The following RIC1 variants were observed in gnomAD, a reference collection of about 807,000 sequenced individuals.
The protein encoded by RIC1 is guanine nucleotide exchange factor subunit RIC1.
RIC1 carries 88 observed loss-of-function variants against 169.0 expected under a neutral mutation model. The observed-to-expected ratio is 0.52, with a 90% CI of 0.44 to 0.62. RIC1 has a LOEUF of 0.62. Among genes scored for constraint, RIC1 ranks in the 20% least tolerant of loss-of-function variants. The pLI is 0.00. For missense variants in RIC1, 1,877 were observed against 1,725.5 expected (o/e 1.09, Z -1.56); for synonymous variants, 790 against 601.5 (o/e 1.31, Z -4.59).
chr9:5,725,444 CTCTT>C (rs1281524189), intron 6 of RIC1, among the ~76,000 whole-genome samples: 2 of 152,122 alleles, frequency 1.3e-5, no homozygotes, highest in Admixed American at 6.5e-5. Flanking sequence ...TGATTCTTCT[CTCTT>C]TACTTCTTCA....
intron 1 of RIC1, among the ~76,000 whole-genome samples, chr9:5,639,149 T>C (rs1000492439): frequency 4.6e-5 from 7 of 152,162 alleles, no homozygotes; most frequent in African/African-American, 1.4e-4. Flanking sequence ...TCAAGCAATC[T>C]GCCCACCTCG....
intron 6 of RIC1, among the ~76,000 whole-genome samples, chr9:5,731,149 T>G (rs898151647): frequency 6.6e-6 from 1 of 152,176 alleles, no homozygotes; most frequent in Non-Finnish European, 1.5e-5. Flanking sequence ...TTTTAACTTG[T>G]CTGTCTCTTG....
intron 2 of RIC1, among the ~76,000 whole-genome samples, chr9:5,665,738 G>A (rs112233030): frequency 1.3e-5 from 2 of 152,016 alleles, no homozygotes; most frequent in Non-Finnish European, 2.9e-5. Context: ...TAGTTGCCTC[G>A]ATTTTTCCTG....
Position 5,677,620 on chromosome 9 carries a change from C to T in RIC1, c.253-12339C>T, listed in dbSNP as rs899079021. ...TTTGAAATCACACAGTGTTAGGTCT[C>T]CAACTTTGTTCATTTTCAAAGTTGC... On this transcript the variant is annotated intron_variant, in intron 2 of 25. Coordinates refer to ENST00000414202, the MANE Select transcript of RIC1 (RefSeq NM_020829.4). Among the ~76,000 whole-genome samples, 4 of 151,518 alleles carry T rather than the reference C, an allele frequency of 2.6e-5. No individual in the cohort carries two copies. In the South Asian group the frequency reaches 8.3e-4, roughly 31 times the overall value.
rs1055671423 is a variant in RIC1, at chr9:5,629,139, G to C, written c.-171G>C. On this transcript the variant is annotated 5_prime_UTR_variant, in exon 1 of 26. Coordinates refer to ENST00000414202, the MANE Select transcript of RIC1 (RefSeq NM_020829.4). ...GCCCCGTCAGCTTGGGGGTGCCTTC[G>C]TCGCGCAGCCTTGCGTCGGCCCGGC... The C allele has an allele frequency of 3.9e-6, 2 of 509,556 alleles. No individual in the cohort carries two copies. Among genetic ancestry groups the C allele is most frequent in the Non-Finnish European group, 6.0e-6 (2 of 335,696 alleles). 31.6% of individuals were successfully genotyped at this position (509,556 alleles called of 1,614,324 possible).
At chr9:5,676,360 G>A (rs1820440923) in intron 2 of RIC1, among the ~76,000 whole-genome samples, 1 of 152,190 alleles carries the variant, frequency 6.6e-6, no homozygotes, top group Non-Finnish European at 1.5e-5. Context: ...TGTACTTGAA[G>A]ATTAAATTGT....
chr9:5,686,480 A>C (rs1310136679), intron 2 of RIC1, among the ~76,000 whole-genome samples: 2 of 152,130 alleles, frequency 1.3e-5, no homozygotes, highest in Non-Finnish European at 2.9e-5. Context: ...CTTTGTAGAG[A>C]CATGGATGAA....
At chr9:5,669,694 C>G (rs1819977823) in intron 2 of RIC1, among the ~76,000 whole-genome samples, 1 of 152,172 alleles carries the variant, frequency 6.6e-6, no homozygotes, top group African/African-American at 2.4e-5. Flanking sequence ...ATAGGGAACA[C>G]TGCAGTGGGT....
intron 1 of RIC1, among the ~76,000 whole-genome samples, chr9:5,649,104 C>A (rs1222607587): frequency 6.6e-6 from 1 of 151,916 alleles, no homozygotes; most frequent in African/African-American, 2.4e-5. Flanking sequence ...CACTTCACTC[C>A]AGCCTGGCAA....
At chr9:5,765,609 A>G (rs187959860) in intron 20 of RIC1, 37 bp downstream of exon 20, 1 of 1,613,924 alleles carries the variant, frequency 6.2e-7, no homozygotes, top group African/African-American at 1.3e-5. Flanking sequence ...TCTAGGCCAT[A>G]CACCCACGTA....
At chr9:5,757,265 C>G in intron 16 of RIC1, 48 bp from the exon 17 acceptor site, 1 of 1,602,574 alleles carries the variant, frequency 6.2e-7, no homozygotes, top group Non-Finnish European at 8.5e-7. Context: ...GAAAGAAAAT[C>G]TTATTAGCAT....
chr9:5,638,146 AT>A (rs1818067130), intron 1 of RIC1, among the ~76,000 whole-genome samples: 1 of 152,194 alleles, frequency 6.6e-6, no homozygotes, highest in African/African-American at 2.4e-5. Flanking sequence ...GATGTATCAC[AT>A]TGATTGATTT....
chr9:5,778,185 T>C (rs1165437470), downstream of RIC1, among the ~76,000 whole-genome samples: 5 of 152,226 alleles, frequency 3.3e-5, no homozygotes, highest in African/African-American at 1.2e-4. Flanking sequence ...TTCTAAGTAT[T>C]GCTACTGTAA....
chr9:5,727,923 C>T (rs1004770271), intron 6 of RIC1, among the ~76,000 whole-genome samples: 3 of 152,134 alleles, frequency 2.0e-5, no homozygotes, highest in Non-Finnish European at 2.9e-5. Flanking sequence ...TAGAGGGGCA[C>T]CCAGCTGGAT....
intron 2 of RIC1, among the ~76,000 whole-genome samples, chr9:5,686,378 A>G (rs1368372632): frequency 6.6e-6 from 1 of 152,156 alleles, no homozygotes; most frequent in Non-Finnish European, 1.5e-5. Context: ...AAACCAACCC[A>G]AATGTCCAAC....
chr9:5,658,063 C>T (rs1443566152), intron 2 of RIC1, among the ~76,000 whole-genome samples: 1 of 152,090 alleles, frequency 6.6e-6, no homozygotes, highest in African/African-American at 2.4e-5. Flanking sequence ...TGTAGTAACA[C>T]AGTTGTAACT....
intron 2 of RIC1, among the ~76,000 whole-genome samples, chr9:5,687,495 T>C (rs1454497421): frequency 1.3e-5 from 2 of 152,172 alleles, no homozygotes; most frequent in Non-Finnish European, 2.9e-5. Flanking sequence ...GTAAATTTCC[T>C]CTTTAGTACT....
Position 5,700,900 on chromosome 9 carries a change from A to T in RIC1, c.332+10862A>T, listed in dbSNP as rs146805767. Among the ~76,000 whole-genome samples the T allele has an allele frequency of 8.8e-4, 134 of 152,126 alleles. 1 individual carries two copies. Among genetic ancestry groups the T allele is most frequent in the African/African-American group, 2.9e-3 (122 of 41,524 alleles). Reference sequence around the variant, plus strand: ...ACAAAGACAACTGCAAGTTATAAATATTTTTTTTCAAATAAGTATAATTTC... The same window carrying T: ...ACAAAGACAACTGCAAGTTATAAATTTTTTTTTTCAAATAAGTATAATTTC... On this transcript the variant is annotated intron_variant, in intron 3 of 25. Coordinates refer to ENST00000414202, the MANE Select transcript of RIC1 (RefSeq NM_020829.4).
intron 6 of RIC1, among the ~76,000 whole-genome samples, chr9:5,721,842 G>C (rs1563926242): frequency 1.3e-5 from 2 of 151,166 alleles, no homozygotes; most frequent in Non-Finnish European, 2.9e-5. Flanking sequence ...TATCCTCCCA[G>C]CTTTTTCAAA....
Sources: allele counts gnomAD v4.1 joint callset (sites outside exome capture counted in the v4.1 genomes callset), GRCh38; gene constraint gnomAD v4.1.1; transcripts MANE v1.5; gene names NCBI Gene and HGNC (gene_info 2026-07-23, HGNC 2026-07-21).